Variants in TASP1 observed in about 807,000 individuals in gnomAD.
TASP1 encodes threonine aspartase 1.
Under a neutral mutation model 56.6 loss-of-function variants are expected in TASP1, and 16 were observed. That is an observed-to-expected ratio of 0.28 (90% CI 0.19 to 0.43). TASP1 has a LOEUF of 0.43. Ranked by LOEUF, TASP1 falls within the 20% of genes least tolerant of loss-of-function variation. The pLI is 1.00. For synonymous variants in TASP1, 179 were observed against 184.2 expected (o/e 0.97, Z 0.23); for missense variants, 393 against 511.6 (o/e 0.77, Z 2.24).
At chr20:13,580,804 G>C in intron 6 of TASP1, 93 bp downstream of exon 6, 1 of 1,231,304 alleles carries the variant, frequency 8.1e-7, no homozygotes, top group Admixed American at 1.9e-5. Flanking sequence ...TCTTCGCAAA[G>C]GCATGCTACC....
the TASP1 span, among the ~76,000 whole-genome samples, chr20:13,180,244 T>C: frequency 1.3e-5 from 2 of 152,310 alleles, no homozygotes; most frequent in Non-Finnish European, 2.9e-5. Context: ...GTCAATATGC[T>C]ATTAACACCA....
chr20:13,561,716 G>C (rs925404077), intron 7 of TASP1, among the ~76,000 whole-genome samples: 2 of 152,110 alleles, frequency 1.3e-5, no homozygotes, highest in African/African-American at 4.8e-5. Flanking sequence ...CTATCAGTCT[G>C]TTTTGAGACA....
chr20:13,547,320 C>G (rs1434868116), intron 8 of TASP1, among the ~76,000 whole-genome samples: 5 of 152,050 alleles, frequency 3.3e-5, no homozygotes, highest in Non-Finnish European at 7.4e-5. Flanking sequence ...GGAGCTAGCT[C>G]ATAAAGGAAG....
chr20:13,618,726 T>C (rs768715495), intron 4 of TASP1, among the ~76,000 whole-genome samples: 16 of 152,244 alleles, frequency 1.1e-4, no homozygotes, highest in African/African-American at 2.9e-4. Context: ...CCCCTGACCA[T>C]AGGGAGCTTT....
chr20:13,374,349 AT>A, the TASP1 span, among the ~76,000 whole-genome samples: 65,532 of 142,110 alleles, frequency 0.46, 15,878 homozygotes, highest in Non-Finnish European at 0.56. Flanking sequence ...CTGTCTCGTA[AT>A]TTTTTTTTTT....
intron 12 of TASP1, among the ~76,000 whole-genome samples, chr20:13,429,202 T>C (rs2042717935): frequency 6.6e-6 from 1 of 152,214 alleles, no homozygotes; most frequent in South Asian, 2.1e-4. Context: ...GTCAACTGCA[T>C]GGTGCTAACA....
chr20:13,246,368 C>T, the TASP1 span, among the ~76,000 whole-genome samples: 5 of 152,016 alleles, frequency 3.3e-5, no homozygotes, highest in Admixed American at 6.6e-5. Flanking sequence ...GTGAATATTG[C>T]ATTCTTCCTG....
At chr20:13,187,821 A>C in the TASP1 span, among the ~76,000 whole-genome samples, 1 of 151,982 alleles carries the variant, frequency 6.6e-6, no homozygotes, top group East Asian at 1.9e-4. Context: ...AACAAGGATA[A>C]GGATTACAGT....
the TASP1 span, among the ~76,000 whole-genome samples, chr20:13,278,993 T>C: frequency 6.6e-6 from 1 of 152,234 alleles, no homozygotes; most frequent in Non-Finnish European, 1.5e-5. Context: ...TGTTAATACC[T>C]GTCACCATTC....
At chr20:13,221,219 A>ACTCCTACTCCTC in the TASP1 span, among the ~76,000 whole-genome samples, 84 of 82,728 alleles carry the variant, frequency 1.0e-3, no homozygotes, top group Non-Finnish European at 1.6e-3. Context: ...AAGCCCTCCT[A>ACTCCTACTCCTC]CTCCTCCTCC....
chr20:13,487,232 C>T (rs1293716857), intron 10 of TASP1, among the ~76,000 whole-genome samples: 1 of 152,176 alleles, frequency 6.6e-6, no homozygotes, highest in Non-Finnish European at 1.5e-5. Context: ...CATTCATTCA[C>T]TTGCCAGGCT....
chr20:13,280,138 T>A, the TASP1 span, among the ~76,000 whole-genome samples: 1 of 152,172 alleles, frequency 6.6e-6, no homozygotes, highest in Non-Finnish European at 1.5e-5. Context: ...GAAGAGATAA[T>A]TTTTTTAGGA....
the TASP1 span, among the ~76,000 whole-genome samples, chr20:13,311,247 A>AGATAGATAGATAGATGATAGATAGAT: frequency 1.7e-4 from 20 of 116,294 alleles, no homozygotes; most frequent in African/African-American, 7.3e-4. Flanking sequence ...GATAGATGAT[A>AGATAGATAGATAGATGATAGATAGAT]GATAGATAGA....
chr20:13,468,865 G>T (rs202145529), intron 11 of TASP1, among the ~76,000 whole-genome samples: 49 of 142,678 alleles, frequency 3.4e-4, no homozygotes, highest in South Asian at 9.0e-4. Flanking sequence ...ATGTGTGTGT[G>T]TTTTTTTTTT....
At chr20:13,274,440 A>G in the TASP1 span, among the ~76,000 whole-genome samples, 1 of 152,096 alleles carries the variant, frequency 6.6e-6, no homozygotes, top group South Asian at 2.1e-4. Flanking sequence ...TCCTGGCCTC[A>G]TCTGCCCCTT....
At chr20:13,397,247 C>T (rs2041575913) in intron 13 of TASP1, among the ~76,000 whole-genome samples, 1 of 152,184 alleles carries the variant, frequency 6.6e-6, no homozygotes, top group Non-Finnish European at 1.5e-5. Context: ...ATGGATCTCG[C>T]TCTAAGTGCA....
At chr20:13,407,017 G>C (rs138653792) in intron 13 of TASP1, among the ~76,000 whole-genome samples, 1 of 152,282 alleles carries the variant, frequency 6.6e-6, no homozygotes, top group Non-Finnish European at 1.5e-5. Flanking sequence ...ATGGAATCAA[G>C]AGGAACATAT....
At chr20:13,356,574 T>C in the TASP1 span, among the ~76,000 whole-genome samples, 1 of 152,188 alleles carries the variant, frequency 6.6e-6, no homozygotes, top group South Asian at 2.1e-4. Flanking sequence ...GAGCTACCAA[T>C]CAGCCTCCTT....
chr20:13,594,635 G>T (rs2047660462), intron 4 of TASP1, among the ~76,000 whole-genome samples: 3 of 152,132 alleles, frequency 2.0e-5, no homozygotes, highest in African/African-American at 7.2e-5. Flanking sequence ...AGTGATTGAA[G>T]ATTAAATTAA....
Sources: allele counts gnomAD v4.1 joint callset (sites outside exome capture counted in the v4.1 genomes callset), GRCh38; gene constraint gnomAD v4.1.1; transcripts MANE v1.5; gene names NCBI Gene and HGNC (gene_info 2026-07-23, HGNC 2026-07-21).